PLCXD3: variants seen among roughly 807,000 people sequenced by gnomAD.
PLCXD3 encodes phosphatidylinositol specific phospholipase C X domain containing 3.
In PLCXD3, 19 loss-of-function variants were observed where a neutral mutation model predicts 25.5. The observed-to-expected ratio is 0.75, with a 90% CI of 0.52 to 1.09. PLCXD3 has a LOEUF of 1.09. PLCXD3 is among the 50% of genes least tolerant of loss of function. The probability of loss-of-function intolerance (pLI) is 0.00; values close to 1 mark genes in which losing one functional copy is unlikely to be tolerated. For synonymous variants in PLCXD3, 174 were observed against 137.6 expected (o/e 1.26, Z -1.85); for missense variants, 411 against 388.1 (o/e 1.06, Z -0.50).
chr5:41,482,621 C>T (rs1436051433), intron 1 of PLCXD3, among the ~76,000 whole-genome samples: 1 of 152,116 alleles, frequency 6.6e-6, no homozygotes, highest in Admixed American at 6.5e-5. Flanking sequence ...AACTTATTGG[C>T]CATGTAGCTG....
At chr5:41,441,492 T>A (rs2150511688) in intron 1 of PLCXD3, among the ~76,000 whole-genome samples, 1 of 152,300 alleles carries the variant, frequency 6.6e-6, no homozygotes, top group East Asian at 1.9e-4. Flanking sequence ...GTTTCTCACC[T>A]GGGAAAGCTT....
At chr5:41,400,997 A>G (rs552569271) in intron 1 of PLCXD3, among the ~76,000 whole-genome samples, 2 of 21,440 alleles carry the variant, frequency 9.3e-5, no homozygotes, top group East Asian at 2.9e-4. Flanking sequence ...GAAAATTTTA[A>G]AAAGCTAAAA....
chr5:41,507,216 A>C (rs1199168087), intron 1 of PLCXD3, among the ~76,000 whole-genome samples: 1 of 152,134 alleles, frequency 6.6e-6, no homozygotes, highest in East Asian at 1.9e-4. Flanking sequence ...TCCTGCTTTC[A>C]TCTCTGTTTA....
chr5:41,504,289 A>C (rs1470869964), intron 1 of PLCXD3, among the ~76,000 whole-genome samples: 4 of 152,240 alleles, frequency 2.6e-5, no homozygotes, highest in Non-Finnish European at 2.9e-5. Flanking sequence ...AAGTCAATAC[A>C]AACACATAGG....
intron 2 of PLCXD3, among the ~76,000 whole-genome samples, chr5:41,315,196 G>A (rs1743253709): frequency 6.6e-6 from 1 of 152,100 alleles, no homozygotes; most frequent in African/African-American, 2.4e-5. Flanking sequence ...ACTTGGTCAG[G>A]GCAGGAAGGG....
At chr5:41,406,753 G>A (rs1316005103) in intron 1 of PLCXD3, among the ~76,000 whole-genome samples, 5 of 152,014 alleles carry the variant, frequency 3.3e-5, no homozygotes, top group South Asian at 4.2e-4. Flanking sequence ...TCTCAGCTGC[G>A]ATCATTCAAC....
intron 1 of PLCXD3, among the ~76,000 whole-genome samples, chr5:41,439,490 T>C (rs1747330929): frequency 6.6e-6 from 1 of 152,110 alleles, no homozygotes; most frequent in Admixed American, 6.5e-5. Flanking sequence ...TTTTTCTCCA[T>C]TGAGGAGTAC....
intron 1 of PLCXD3, among the ~76,000 whole-genome samples, chr5:41,444,777 T>A (rs1378805760): frequency 6.6e-6 from 1 of 152,130 alleles, no homozygotes; most frequent in African/African-American, 2.4e-5. Context: ...AGAAAATTAC[T>A]CATAGCAAAG....
intron 1 of PLCXD3, among the ~76,000 whole-genome samples, chr5:41,396,867 T>C (rs1317129360): frequency 6.6e-6 from 1 of 152,184 alleles, no homozygotes; most frequent in African/African-American, 2.4e-5. Context: ...ACTTTGAACT[T>C]GAGAAAGACG....
chr5:41,398,074 T>G (rs1746064615), intron 1 of PLCXD3, among the ~76,000 whole-genome samples: 1 of 152,166 alleles, frequency 6.6e-6, no homozygotes, highest in South Asian at 2.1e-4. Flanking sequence ...GTTAAAACAT[T>G]GGAGGACTGT....
intron 1 of PLCXD3, among the ~76,000 whole-genome samples, chr5:41,431,610 C>T (rs916479732): frequency 3.3e-5 from 5 of 152,084 alleles, no homozygotes; most frequent in Admixed American, 3.3e-4. Flanking sequence ...ATATATATCA[C>T]CTTTTTGTTC....
intron 2 of PLCXD3, among the ~76,000 whole-genome samples, chr5:41,361,218 T>C (rs1481590552): frequency 6.6e-6 from 1 of 152,138 alleles, no homozygotes; most frequent in Admixed American, 6.5e-5. Flanking sequence ...CCCACTCCCA[T>C]GCAGCCAGCA....
At chr5:41,501,908 G>C (rs1748959422) in intron 1 of PLCXD3, among the ~76,000 whole-genome samples, 1 of 152,080 alleles carries the variant, frequency 6.6e-6, no homozygotes, top group African/African-American at 2.4e-5. Context: ...GATTAGTATG[G>C]ACTAGGAAGA....
chr5:41,322,680 G>A (rs1258039646), intron 2 of PLCXD3, among the ~76,000 whole-genome samples: 1 of 152,174 alleles, frequency 6.6e-6, no homozygotes, highest in Non-Finnish European at 1.5e-5. Flanking sequence ...ACAGATGACT[G>A]GATAAAGAAA....
intron 1 of PLCXD3, among the ~76,000 whole-genome samples, chr5:41,403,404 T>TGTTTG (rs1561262428): frequency 5.8e-5 from 2 of 34,648 alleles, no homozygotes; most frequent in Admixed American, 2.4e-4. Context: ...ATTTGTTGTT[T>TGTTTG]TTTTTTTTTT....
chr5:41,418,390 C>A lies in PLCXD3; in HGVS notation c.104-35856G>T, dbSNP rs115846767. On this transcript the variant is annotated intron_variant, in intron 1 of 2. Coordinates refer to ENST00000377801, the MANE Select transcript of PLCXD3 (RefSeq NM_001005473.3). ...CCTGGGGTCTGCTCTCCATATGCAG[C>A]TACTGTGAGTACTTGGGTAAGAAAT... Among the ~76,000 whole-genome samples, 1,223 of 152,228 alleles carry A rather than the reference C, an allele frequency of 8.0e-3. 12 individuals are homozygous for A. The highest frequency in any genetic ancestry group is 0.029 in the African/African-American group (1,190 of 41,526).
At chr5:41,469,588 G>T (rs568214159) in intron 1 of PLCXD3, among the ~76,000 whole-genome samples, 1 of 151,180 alleles carries the variant, frequency 6.6e-6, no homozygotes, top group Non-Finnish European at 1.5e-5. Context: ...TTAGTAAGTT[G>T]TATTGTGTCT....
At chr5:41,452,385 AG>A (rs1424481144) in intron 1 of PLCXD3, among the ~76,000 whole-genome samples, 2 of 152,042 alleles carry the variant, frequency 1.3e-5, no homozygotes, top group African/African-American at 4.8e-5. Flanking sequence ...GAATGTTTGA[AG>A]TGATCTAAAC....
chr5:41,375,944 C>T (rs1479603765), intron 2 of PLCXD3, among the ~76,000 whole-genome samples: 1 of 152,060 alleles, frequency 6.6e-6, no homozygotes, highest in Non-Finnish European at 1.5e-5. Flanking sequence ...CCTCAATTTC[C>T]ACCTCTAATG....
Sources: allele counts gnomAD v4.1 joint callset (sites outside exome capture counted in the v4.1 genomes callset), GRCh38; gene constraint gnomAD v4.1.1; transcripts MANE v1.5; gene names NCBI Gene and HGNC (gene_info 2026-07-23, HGNC 2026-07-21).